SNX29: variants seen among roughly 807,000 people sequenced by gnomAD.
SNX29 encodes sorting nexin 29.
A neutral mutation model predicts 102.1 loss-of-function variants in SNX29; 78 were observed. The ratio of observed to expected loss-of-function variants is 0.76; its 90% CI spans 0.64 to 0.92. The LOEUF (loss-of-function observed/expected upper bound fraction) is 0.92. Among genes scored for constraint, SNX29 ranks in the 40% least tolerant of loss-of-function variants. The probability of loss-of-function intolerance (pLI) is 0.00; values close to 1 mark genes in which losing one functional copy is unlikely to be tolerated. For missense variants in SNX29, 1,280 were observed against 1,061.7 expected, an observed-to-expected ratio of 1.21 and a Z score of -2.86; for synonymous variants, 580 against 414.5, an observed-to-expected ratio of 1.40 and a Z score of -4.85.
chr16:12,033,584 G>A (rs1411174181), intron 4 of SNX29, among the ~76,000 whole-genome samples: 1 of 150,080 alleles, frequency 6.7e-6, no homozygotes, highest in East Asian at 1.9e-4. Flanking sequence ...TCAAACCTAT[G>A]TATGGAACTA....
At chr16:12,145,006 C>T (rs997120512) in intron 13 of SNX29, among the ~76,000 whole-genome samples, 1 of 152,352 alleles carries the variant, frequency 6.6e-6, no homozygotes, top group Non-Finnish European at 1.5e-5. Flanking sequence ...CAGGCGTGAG[C>T]CGCTGCGCCC....
At chr16:12,421,079 A>G (rs1382407765) in intron 18 of SNX29, among the ~76,000 whole-genome samples, 1 of 152,224 alleles carries the variant, frequency 6.6e-6, no homozygotes, top group African/African-American at 2.4e-5. Context: ...AGATAAGGAA[A>G]CTACGGCACA....
rs1033172532 is a variant in SNX29, at chr16:12,390,301, C to A, written c.1900-8145C>A. Among the ~76,000 whole-genome samples the A allele has an allele frequency of 3.3e-5, 5 of 152,212 alleles. No homozygotes were observed. In the South Asian group the frequency reaches 8.3e-4, roughly 25 times the overall value. The stretch of plus-strand genomic sequence containing the variant: ...GGACCAGCCTCTCTCTTGCTTAAAT[C>A]CCTCATAGGTTTCCCCCGTCGGAGC... On this transcript the variant is annotated intron_variant, in intron 16 of 20. Coordinates refer to ENST00000566228, the MANE Select transcript of SNX29 (RefSeq NM_032167.5).
intron 18 of SNX29, among the ~76,000 whole-genome samples, chr16:12,439,538 G>C (rs1486650212): frequency 6.6e-6 from 1 of 152,224 alleles, no homozygotes; most frequent in Admixed American, 6.5e-5. Context: ...ACAAGAGAAT[G>C]AGAGCCAAGC....
At position 12,539,669 on chromosome 16, in the gene SNX29, C is replaced by T. The variant is rs908580722; in HGVS notation, c.2318+14828C>T. Among the ~76,000 whole-genome samples the T allele has an allele frequency of 2.2e-4, 34 of 152,272 alleles. 1 individual carries two copies. Among genetic ancestry groups the T allele is most frequent in the African/African-American group, 7.2e-4 (30 of 41,566 alleles). ...GCATTCCCACAGCGTATGAGGGGCCCAGTTGCTCTGCACCCTGGGCAGCAT... is the reference window on the plus strand; with the variant it reads ...GCATTCCCACAGCGTATGAGGGGCCTAGTTGCTCTGCACCCTGGGCAGCAT... On this transcript the variant is annotated intron_variant, in intron 20 of 20. Coordinates refer to ENST00000566228, the MANE Select transcript of SNX29 (RefSeq NM_032167.5).
intron 14 of SNX29, among the ~76,000 whole-genome samples, chr16:12,275,402 C>T (rs1016195530): frequency 2.0e-5 from 3 of 152,214 alleles, no homozygotes; most frequent in Admixed American, 1.3e-4. Context: ...TCCAGACCTA[C>T]TGCGTTTTCT....
intron 15 of SNX29, among the ~76,000 whole-genome samples, chr16:12,333,801 C>T (rs1029151713): frequency 2.6e-5 from 4 of 152,126 alleles, no homozygotes; most frequent in African/African-American, 4.8e-5. Flanking sequence ...GAGGGTCCTA[C>T]CCTGTAGGAT....
At chr16:12,051,321 G>A (rs1273303549) in intron 7 of SNX29, among the ~76,000 whole-genome samples, 1 of 123,038 alleles carries the variant, frequency 8.1e-6, no homozygotes, top group East Asian at 2.2e-4. Flanking sequence ...AGAGCGAGAT[G>A]CCCCAACTCT....
At chr16:12,289,496 A>C (rs2079721425) in intron 15 of SNX29, among the ~76,000 whole-genome samples, 1 of 151,850 alleles carries the variant, frequency 6.6e-6, no homozygotes, top group African/African-American at 2.4e-5. Context: ...TGGTGAGGTC[A>C]CCACCCTCTC....
intron 20 of SNX29, among the ~76,000 whole-genome samples, chr16:12,546,004 CAAAAACA>C (rs1243087042): frequency 1.3e-5 from 2 of 151,988 alleles, no homozygotes; most frequent in Admixed American, 6.6e-5. Context: ...ACCTGGATGC[CAAAAACA>C]GAAAACAAAA....
chr16:12,407,639 A>G (rs11648617), intron 18 of SNX29, among the ~76,000 whole-genome samples: 75,068 of 147,864 alleles, frequency 0.51, 19,397 homozygotes, highest in Non-Finnish European at 0.58. Context: ...TAGCTCATTC[A>G]ATCCTTGTAG....
intron 18 of SNX29, among the ~76,000 whole-genome samples, chr16:12,429,533 C>T (rs1383421074): frequency 6.6e-6 from 1 of 152,148 alleles, no homozygotes. Context: ...CTGCCCAAAG[C>T]CCTGGGATTA....
intron 18 of SNX29, among the ~76,000 whole-genome samples, chr16:12,432,983 G>A (rs1282064710): frequency 5.3e-5 from 8 of 152,344 alleles, no homozygotes; most frequent in East Asian, 3.9e-4. Flanking sequence ...ATGGCATGGG[G>A]GTGAGGGTGT....
At chr16:12,382,404 A>G (rs1408607491) in intron 16 of SNX29, among the ~76,000 whole-genome samples, 2 of 152,214 alleles carry the variant, frequency 1.3e-5, no homozygotes, top group African/African-American at 4.8e-5. Flanking sequence ...GCCTGCTTCC[A>G]GTCCTCACTG....
chr16:12,454,334 C>T (rs1395808087), intron 18 of SNX29, among the ~76,000 whole-genome samples: 1 of 152,158 alleles, frequency 6.6e-6, no homozygotes, highest in South Asian at 2.1e-4. Context: ...TGGACTGCCT[C>T]CCTGCAGACT....
chr16:12,548,035 A>G (rs2141314643), intron 20 of SNX29, among the ~76,000 whole-genome samples: 1 of 152,282 alleles, frequency 6.6e-6, no homozygotes, highest in South Asian at 2.1e-4. Context: ...TCATATTGGT[A>G]AGGCAAGCAC....
intron 13 of SNX29, among the ~76,000 whole-genome samples, chr16:12,148,890 CAG>C (rs1384643708): frequency 5.3e-5 from 8 of 151,880 alleles, no homozygotes; most frequent in African/African-American, 1.9e-4. Context: ...TTAGTAGAGA[CAG>C]GGTTTCTCCA....
chr16:12,152,189 C>A (rs571083063), intron 13 of SNX29, among the ~76,000 whole-genome samples: 1 of 152,132 alleles, frequency 6.6e-6, no homozygotes, highest in Admixed American at 6.5e-5. Flanking sequence ...CCGTTGCACT[C>A]CAGCCTGGGC....
At chr16:12,461,086 A>C (rs533679772) in intron 18 of SNX29, among the ~76,000 whole-genome samples, 10 of 152,374 alleles carry the variant, frequency 6.6e-5, no homozygotes, top group Non-Finnish European at 1.2e-4. Context: ...TTTTACATTA[A>C]GAAATTGAAG....
Sources: allele counts gnomAD v4.1 joint callset (sites outside exome capture counted in the v4.1 genomes callset), GRCh38; gene constraint gnomAD v4.1.1; transcripts MANE v1.5; gene names NCBI Gene and HGNC (gene_info 2026-07-23, HGNC 2026-07-21).